The following RPS3 variants were observed in gnomAD, a reference collection of about 807,000 sequenced individuals.
The protein encoded by RPS3 is ribosomal protein S3.
In RPS3, 2 loss-of-function variants were observed where a neutral mutation model predicts 25.8. That is an observed-to-expected ratio of 0.08 (90% CI 0.03 to 0.24). RPS3 has a LOEUF of 0.24. Among genes scored for constraint, RPS3 ranks in the 10% least tolerant of loss-of-function variants. RPS3 has a pLI of 1.00. For missense variants in RPS3, 107 were observed against 307.1 expected (o/e 0.35, Z 4.87); for synonymous variants, 114 against 114.2 (o/e 1.00, Z 0.01).
Position 75,404,290 on chromosome 11 carries a change from T to A in RPS3, c.538+83T>A, listed in dbSNP as rs1179946722. Reference sequence around the variant, plus strand: ...GACATCTTAAGTATTTGGGGGAGTTTATCATGGAAGTAGCTGGGCATGTTC... The same window carrying A: ...GACATCTTAAGTATTTGGGGGAGTTAATCATGGAAGTAGCTGGGCATGTTC... On this transcript the variant is annotated intron_variant, in intron 5 of 6. Coordinates refer to ENST00000531188, the MANE Select transcript of RPS3 (RefSeq NM_001005.5). This position sits in a 1 kb window ranked among gnomAD's most constrained non-coding sequence, Gnocchi z 4.6. 1 of 1,292,962 alleles carries A rather than the reference T, an allele frequency of 7.7e-7. No homozygotes were observed. Among genetic ancestry groups the A allele is most frequent in the Admixed American group, 1.8e-5 (1 of 55,026 alleles). 80.1% of individuals were successfully genotyped at this position (1,292,962 alleles called of 1,614,324 possible).
chr11:75,403,873 TG>T, intron 4 of RPS3, 146 bp from the exon 5 acceptor site: 1 of 680,394 alleles, frequency 1.5e-6, no homozygotes. Flanking sequence ...ATGATAGGTG[TG>T]GAAGAGAATT....
In RPS3 at chr11:75,402,249, A is replaced by G. The variant is rs1038437947; in HGVS notation, c.256-103A>G. ...CAGCATGCGGCCCGTGGGTTGGGCA[A>G]GCTTGGTGTAGAAAGTGATACTTGT... On this transcript the variant is annotated intron_variant, in intron 3 of 6. Transcript: ENST00000531188. 1.7e-5 allele frequency: 26 copies of G among 1,567,558 alleles called. No homozygotes were observed. In the African/African-American group the frequency reaches 2.3e-4, roughly 14 times the overall value.
downstream of RPS3, among the ~76,000 whole-genome samples, chr11:75,408,226 G>A (rs992063199): frequency 6.6e-6 from 1 of 152,186 alleles, no homozygotes. Context: ...AATATGTCCA[G>A]CTGTGGTGGC....
At chr11:75,408,885 C>T (rs558586218), downstream of RPS3, among the ~76,000 whole-genome samples, 8 of 152,314 alleles carry the variant, frequency 5.3e-5, no homozygotes, top group African/African-American at 1.9e-4. Context: ...ATGTAGAGCT[C>T]AGGTGAGCAC....
chr11:75,404,282 G>T lies in RPS3; in HGVS notation c.538+75G>T. The T allele has an allele frequency of 1.5e-6, 2 of 1,375,084 alleles. No individual in the cohort carries two copies. The highest frequency in any genetic ancestry group is 2.9e-5 in the African/African-American group (2 of 70,172). The allele number at this position is 1,375,084 out of a possible 1,614,324, so 85.2% of individuals were successfully genotyped here. On this transcript the variant is annotated intron_variant, in intron 5 of 6. Transcript: ENST00000531188. The surrounding 1 kb of genome is among the most constrained non-coding windows in gnomAD (Gnocchi z 4.6). ...TTTCCACAGACATCTTAAGTATTTGGGGGAGTTTATCATGGAAGTAGCTGG... is the reference window on the plus strand; with the variant it reads ...TTTCCACAGACATCTTAAGTATTTGTGGGAGTTTATCATGGAAGTAGCTGG...
At chr11:75,410,332 G>T (rs561533851), downstream of RPS3, among the ~76,000 whole-genome samples, 59 of 151,782 alleles carry the variant, frequency 3.9e-4, no homozygotes, top group Middle Eastern at 3.5e-3. Context: ...GGGCAGAGGC[G>T]CTCCTCACAT....
At chr11:75,417,800 G>A (rs1948411595) in intron 6 of RPS3, among the ~76,000 whole-genome samples, 1 of 152,182 alleles carries the variant, frequency 6.6e-6, no homozygotes, top group Non-Finnish European at 1.5e-5. Flanking sequence ...TTGTCCCAGG[G>A]GACTGAACTG....
chr11:75,409,753 T>G (rs1398934489), downstream of RPS3, among the ~76,000 whole-genome samples: 1 of 148,476 alleles, frequency 6.7e-6, no homozygotes, highest in Non-Finnish European at 1.5e-5. Flanking sequence ...CACTTCCCAG[T>G]AGGGGCGGCC....
In RPS3 at chr11:75,401,629, T is replaced by C. The variant is rs755644967; in HGVS notation, c.162-11T>C. 2 of 1,584,092 alleles carry C rather than the reference T, an allele frequency of 1.3e-6. No individual in the cohort carries two copies. Among genetic ancestry groups the C allele is most frequent in the African/African-American group, 1.3e-5 (1 of 74,396 alleles). On this transcript the variant is annotated splice_polypyrimidine_tract_variant and intron_variant, in intron 2 of 6. Coordinates refer to ENST00000531188, the MANE Select transcript of RPS3 (RefSeq NM_001005.5). ...TTGTGAGAATCTTGAATTGTCACTT[T>C]TCCCCCCCAGAACACAGAATGTTCT...
At chr11:75,407,531 G>A (rs940692736), downstream of RPS3, among the ~76,000 whole-genome samples, 20 of 152,130 alleles carry the variant, frequency 1.3e-4, no homozygotes, top group African/African-American at 4.6e-4. Context: ...GAGTGCAGTG[G>A]CGCGATCTCT....
rs535974500 is a variant in RPS3, at chr11:75,421,236, C to T, written c.*4-491C>T. Among the ~76,000 whole-genome samples, 29 of 152,280 alleles carry T rather than the reference C, an allele frequency of 1.9e-4. 1 individual carries two copies. The highest frequency in any genetic ancestry group is 4.1e-4 in the South Asian group (2 of 4,822). On this transcript the variant is annotated intron_variant, in intron 6 of 6. Coordinates refer to the RPS3 transcript ENST00000527446. The stretch of plus-strand genomic sequence containing the variant: ...GGCCTTTACTCCTGCCATGATGGGC[C>T]GGCCCCAGCTGGAGAGACCCTGTAG...
exon 7 of RPS3, chr11:75,421,969 GT>G (rs1166273396): frequency 6.6e-6 from 1 of 152,204 alleles, no homozygotes; most frequent in African/African-American, 2.4e-5. Flanking sequence ...ATATTTTATA[GT>G]TTTTAAAAAT....
At chr11:75,400,499 A>G in intron 1 of RPS3, 195 bp from the exon 2 acceptor site, 1 of 774,440 alleles carries the variant, frequency 1.3e-6, no homozygotes, top group Non-Finnish European at 2.2e-6. Context: ...TGGTTGAAGT[A>G]ATTTCCTAAA....
chr11:75,418,759 A>T (rs1948421382), intron 6 of RPS3, among the ~76,000 whole-genome samples: 1 of 152,202 alleles, frequency 6.6e-6, no homozygotes, highest in Admixed American at 6.5e-5. Flanking sequence ...TGAAATTCAA[A>T]TGAAGCCATG....
chr11:75,407,257 G>A (rs1021946118), downstream of RPS3, among the ~76,000 whole-genome samples: 5 of 152,054 alleles, frequency 3.3e-5, no homozygotes, highest in Non-Finnish European at 7.4e-5. Context: ...TCCAGCCTCA[G>A]CCTCCCGCTA....
rs1168562802 is a variant in RPS3 at position 75,413,235 on chromosome 11, G to GTA, written c.*3+8381_*3+8382dup. Reference sequence around the variant, plus strand: ...GTTTCTTGTATATATGTGTGTGTGTGTATATATATATATATTTTTTTTTTT... The same window carrying GTA: ...GTTTCTTGTATATATGTGTGTGTGTGTATATATATATATATATTTTTTTTTTT... On this transcript the variant is annotated intron_variant, in intron 6 of 6. Transcript: ENST00000527446. 9.7e-3 allele frequency among the ~76,000 whole-genome samples: 1,145 copies of GTA among 118,020 alleles called. 10 individuals carry two copies. The highest frequency in any genetic ancestry group is 0.033 in the African/African-American group (921 of 27,670). 77.4% of individuals were successfully genotyped at this position (118,020 alleles called of 152,430 possible).
downstream of RPS3, among the ~76,000 whole-genome samples, chr11:75,410,041 GGACGGGGCGGCTGGCCA>G (rs1948332089): frequency 7.9e-6 from 1 of 126,624 alleles, no homozygotes; most frequent in African/African-American, 3.1e-5. Flanking sequence ...CTCACCTCCC[GGACGGGGCGGCTGGCCA>G]GGCGGGGGGC....
chr11:75,402,096 G>T, intron 3 of RPS3: 1 of 566,306 alleles, frequency 1.8e-6, no homozygotes, highest in Non-Finnish European at 3.2e-6. Context: ...TATGATGGTG[G>T]TGTCCGATCT....
chr11:75,405,801 A>T lies in RPS3; in HGVS notation c.*191A>T. On this transcript the variant is annotated 3_prime_UTR_variant, in exon 7 of 7. Coordinates refer to ENST00000531188, the MANE Select transcript of RPS3 (RefSeq NM_001005.5). Reference sequence around the variant, plus strand: ...TTGTGGTATTTGCAAGGGCCAGAACAGTAAGACCCAAGCAGAGCCAACCAG... The same window carrying T: ...TTGTGGTATTTGCAAGGGCCAGAACTGTAAGACCCAAGCAGAGCCAACCAG... The T allele has an allele frequency of 6.2e-6, 2 of 320,500 alleles. No individual in the cohort carries two copies. Among genetic ancestry groups the T allele is most frequent in the Non-Finnish European group, 1.2e-5 (2 of 161,460 alleles). 19.9% of individuals were successfully genotyped at this position (320,500 alleles called of 1,614,324 possible).
Sources: allele counts gnomAD v4.1 joint callset (sites outside exome capture counted in the v4.1 genomes callset), GRCh38; gene constraint gnomAD v4.1.1; non-coding constraint Gnocchi (gnomAD v3.1); transcripts MANE v1.5; gene names NCBI Gene and HGNC (gene_info 2026-07-23, HGNC 2026-07-21).